The following SPAG16 variants were observed in gnomAD, a reference collection of about 807,000 sequenced individuals.
SPAG16 encodes the protein sperm associated antigen 16.
In SPAG16, 86 loss-of-function variants were observed where a neutral mutation model predicts 80.4. The observed-to-expected ratio is 1.07, with a 90% CI of 0.90 to 1.28. SPAG16 has a LOEUF of 1.28. SPAG16 is among the 50% of genes most tolerant of loss of function. The pLI, the probability that SPAG16 is intolerant of heterozygous loss-of-function variation, is 0.00. For missense variants in SPAG16, 870 were observed against 765.3 expected (o/e 1.14, Z -1.61); for synonymous variants, 294 against 265.9 (o/e 1.11, Z -1.03).
intron 14 of SPAG16, among the ~76,000 whole-genome samples, chr2:214,122,936 T>G (rs1244675542): frequency 6.6e-6 from 1 of 152,078 alleles, no homozygotes; most frequent in Admixed American, 6.6e-5. Flanking sequence ...TTCCTACATA[T>G]TCAAAAAATA....
At chr2:213,916,254 G>A (rs553175735) in intron 11 of SPAG16, among the ~76,000 whole-genome samples, 9 of 152,160 alleles carry the variant, frequency 5.9e-5, no homozygotes, top group East Asian at 5.8e-4. Context: ...TAGGTTTTAC[G>A]TTTAAGTCTT....
intron 13 of SPAG16, among the ~76,000 whole-genome samples, chr2:214,085,932 A>G (rs10490489): frequency 0.17 from 25,367 of 152,222 alleles, 2,169 homozygotes; most frequent in African/African-American, 0.19. Flanking sequence ...TGTTTCTTTA[A>G]TACCTTGAAC....
At chr2:214,230,286 G>A (rs1206403645) in intron 15 of SPAG16, among the ~76,000 whole-genome samples, 1 of 151,854 alleles carries the variant, frequency 6.6e-6, no homozygotes, top group Admixed American at 6.6e-5. Context: ...CAATAAACAT[G>A]ACGAGGGAAA....
chr2:213,686,782 G>T (rs1397839023), intron 10 of SPAG16, among the ~76,000 whole-genome samples: 1 of 147,648 alleles, frequency 6.8e-6, no homozygotes, highest in Non-Finnish European at 1.5e-5. Flanking sequence ...CACCTCCTGG[G>T]CTCAAGCGAT....
intron 15 of SPAG16, among the ~76,000 whole-genome samples, chr2:214,271,161 A>T (rs979554951): frequency 2.0e-5 from 3 of 152,190 alleles, no homozygotes; most frequent in African/African-American, 7.2e-5. Flanking sequence ...TAGTTAGTAT[A>T]CATGTTGTAA....
intron 15 of SPAG16, among the ~76,000 whole-genome samples, chr2:214,307,963 ATCTG>A (rs1277840983): frequency 1.3e-5 from 2 of 152,164 alleles, no homozygotes; most frequent in African/African-American, 4.8e-5. Flanking sequence ...TGTCTCAATT[ATCTG>A]TCTAATATCA....
chr2:213,448,007 G>T (rs925952047), intron 9 of SPAG16, among the ~76,000 whole-genome samples: 10 of 152,312 alleles, frequency 6.6e-5, no homozygotes, highest in African/African-American at 2.4e-4. Flanking sequence ...CACGGCACTG[G>T]CCACCACTGC....
intron 5 of SPAG16, among the ~76,000 whole-genome samples, chr2:213,326,618 C>T (rs1340221290): frequency 6.6e-6 from 1 of 151,734 alleles, no homozygotes; most frequent in Non-Finnish European, 1.5e-5. Flanking sequence ...TCATTTATAA[C>T]CAATTGAAGA....
At chr2:213,806,917 G>A (rs557839664) in intron 10 of SPAG16, among the ~76,000 whole-genome samples, 11 of 152,108 alleles carry the variant, frequency 7.2e-5, no homozygotes, top group African/African-American at 2.2e-4. Context: ...AACAGTAAAT[G>A]CCATGGCTAA....
rs113324121 is a variant in SPAG16 at position 214,141,515 on chromosome 2, C to A, written c.1594-7625C>A. On this transcript the variant is annotated intron_variant, in intron 14 of 15. Coordinates refer to ENST00000331683, the MANE Select transcript of SPAG16 (RefSeq NM_024532.5). ...TACTGATTTTTTAAATATTTGTGCT[C>A]ACCATTATATATTTTGACCAATGCT... Among the ~76,000 whole-genome samples, 483 of 151,374 alleles carry A rather than the reference C, an allele frequency of 3.2e-3. 4 individuals are homozygous for A. The highest frequency in any genetic ancestry group is 0.01 in the African/African-American group (432 of 41,338).
At chr2:213,972,089 A>G (rs1301677979) in intron 12 of SPAG16, among the ~76,000 whole-genome samples, 1 of 151,780 alleles carries the variant, frequency 6.6e-6, no homozygotes, top group Admixed American at 6.6e-5. Flanking sequence ...CTGTGTTACA[A>G]ATAATCCACT....
intron 10 of SPAG16, among the ~76,000 whole-genome samples, chr2:213,598,739 G>A (rs2124960363): frequency 6.6e-6 from 1 of 152,308 alleles, no homozygotes; most frequent in African/African-American, 2.4e-5. Context: ...AAGAGGTACT[G>A]AGACAGGAAT....
At chr2:213,953,053 A>G (rs937137787) in intron 12 of SPAG16, among the ~76,000 whole-genome samples, 3 of 151,946 alleles carry the variant, frequency 2.0e-5, no homozygotes, top group African/African-American at 7.2e-5. Context: ...ACTAGTCATG[A>G]AAAAAGTGAG....
intron 10 of SPAG16, among the ~76,000 whole-genome samples, chr2:213,531,132 T>C (rs1247076138): frequency 1.3e-5 from 2 of 152,156 alleles, no homozygotes; most frequent in East Asian, 3.9e-4. Flanking sequence ...ATTTGTCTGC[T>C]GAATGATTTG....
chr2:213,302,874 T>C (rs2062801308), intron 3 of SPAG16, among the ~76,000 whole-genome samples: 1 of 152,084 alleles, frequency 6.6e-6, no homozygotes, highest in African/African-American at 2.4e-5. Context: ...GTTGCAACCG[T>C]ACATACAACA....
intron 11 of SPAG16, among the ~76,000 whole-genome samples, chr2:213,876,077 C>T (rs2076130521): frequency 6.6e-6 from 1 of 151,882 alleles, no homozygotes; most frequent in Admixed American, 6.6e-5. Context: ...ACCAGTTTCC[C>T]CAGTAGAGAG....
At chr2:213,360,639 A>G (rs2065927039) in intron 7 of SPAG16, among the ~76,000 whole-genome samples, 1 of 152,238 alleles carries the variant, frequency 6.6e-6, no homozygotes, top group Non-Finnish European at 1.5e-5. Context: ...GTTGTAGCAT[A>G]CTAATCAGGT....
intron 15 of SPAG16, among the ~76,000 whole-genome samples, chr2:214,252,576 G>A (rs527964845): frequency 1.1e-4 from 17 of 152,072 alleles, no homozygotes; most frequent in Admixed American, 6.6e-4. Flanking sequence ...TTCGTTTGCT[G>A]AGAATGATGG....
chr2:213,495,711 C>T (rs1269279550), intron 10 of SPAG16, among the ~76,000 whole-genome samples: 1 of 152,012 alleles, frequency 6.6e-6, no homozygotes, highest in Non-Finnish European at 1.5e-5. Flanking sequence ...AGAGAGTGAC[C>T]GGGACTTTTC....
Sources: allele counts gnomAD v4.1 joint callset (sites outside exome capture counted in the v4.1 genomes callset), GRCh38; gene constraint gnomAD v4.1.1; transcripts MANE v1.5; gene names NCBI Gene and HGNC (gene_info 2026-07-23, HGNC 2026-07-21).